C6: variants seen among roughly 807,000 people sequenced by gnomAD.
C6 encodes the protein complement C6, also known as complement component C6.
A neutral mutation model predicts 112.9 loss-of-function variants in C6; 101 were observed. The ratio of observed to expected loss-of-function variants is 0.89; its 90% CI spans 0.76 to 1.06. The LOEUF (loss-of-function observed/expected upper bound fraction) is 1.06. Ranked by LOEUF, C6 falls within the 50% of genes least tolerant of loss-of-function variation. The probability of loss-of-function intolerance (pLI) is 0.00; values close to 1 mark genes in which losing one functional copy is unlikely to be tolerated. For missense variants in C6, 1,202 were observed against 1,104.6 expected, an observed-to-expected ratio of 1.09 and a Z score of -1.25; for synonymous variants, 431 against 384.1, an observed-to-expected ratio of 1.12 and a Z score of -1.43.
upstream of C6, among the ~76,000 whole-genome samples, chr5:41,216,193 G>T (rs965165511): frequency 1.1e-4 from 17 of 151,988 alleles, no homozygotes; most frequent in African/African-American, 3.6e-4. Flanking sequence ...TTGATGTTTT[G>T]CCATCTACTC....
chr5:41,175,865 A>T (rs1386943056), intron 8 of C6, among the ~76,000 whole-genome samples: 1 of 152,236 alleles, frequency 6.6e-6, no homozygotes, highest in Non-Finnish European at 1.5e-5. Flanking sequence ...AACATAAAGC[A>T]TGCAGGCAGT....
At chr5:41,207,046 G>A (rs1037762203) in intron 1 of C6, among the ~76,000 whole-genome samples, 4 of 152,198 alleles carry the variant, frequency 2.6e-5, no homozygotes, top group African/African-American at 9.7e-5. Context: ...AACTCTACAA[G>A]CCAGAAGAGA....
At chr5:41,183,995 G>A (rs1749566505) in intron 6 of C6, among the ~76,000 whole-genome samples, 1 of 151,882 alleles carries the variant, frequency 6.6e-6, no homozygotes, top group East Asian at 1.9e-4. Context: ...AAGGGAGGGA[G>A]GGGCAAGAGT....
chr5:41,192,705 A>G (rs1453679753), intron 5 of C6, among the ~76,000 whole-genome samples: 1 of 152,142 alleles, frequency 6.6e-6, no homozygotes, highest in African/African-American at 2.4e-5. Context: ...GTATTTCTGT[A>G]GTACCAATTG....
At chr5:41,177,925 A>G (rs16870939) in intron 7 of C6, among the ~76,000 whole-genome samples, 3,298 of 152,256 alleles carry the variant, frequency 0.022, 127 homozygotes, top group African/African-American at 0.075. Flanking sequence ...TAGTTTTCAA[A>G]AGTTGGAGAG....
At chr5:41,144,327 G>A (rs1745613321) in intron 17 of C6, among the ~76,000 whole-genome samples, 2 of 152,168 alleles carry the variant, frequency 1.3e-5, no homozygotes, top group South Asian at 4.2e-4. Context: ...GGGTGCAATG[G>A]CACAATCATG....
In C6 at chr5:41,191,108, C is replaced by T. The variant is rs184082112; in HGVS notation, c.587+4684G>A. ...TTTTTGCAGAGTCTCTGTGTGTTGC[C>T]CAGGCTGGAGTGCAGTGGCACGACC... On this transcript the variant is annotated intron_variant, in intron 5 of 17. Transcript: ENST00000337836. Among the ~76,000 whole-genome samples, 25 of 122,880 alleles carry T rather than the reference C, an allele frequency of 2.0e-4. 1 individual carries two copies. In the Admixed American group the frequency reaches 2.1e-3, roughly 10 times the overall value. The allele number at this position is 122,880 out of a possible 152,430, so 80.6% of individuals were successfully genotyped here. A position where few individuals can be genotyped will look rare whatever the true frequency, so the allele number is the denominator to read the frequency against.
Position 41,142,527 on chromosome 5 carries a change from T to G in C6, c.*298A>C. Reference sequence around the variant, plus strand: ...TGCGAGAATGCTTAATGTCACAGGCTACATAAGGGCCTCAGAAGTCACATT... The same window carrying G: ...TGCGAGAATGCTTAATGTCACAGGCGACATAAGGGCCTCAGAAGTCACATT... On this transcript the variant is annotated 3_prime_UTR_variant, in exon 18 of 18. Coordinates refer to ENST00000337836, the MANE Select transcript of C6 (RefSeq NM_000065.5). 2.6e-6 allele frequency: 1 copy of G among 391,802 alleles called. No individual in the cohort carries two copies. Among genetic ancestry groups the G allele is most frequent in the Non-Finnish European group, 4.7e-6 (1 of 210,998 alleles). The allele number at this position is 391,802 out of a possible 1,614,324, so 24.3% of individuals were successfully genotyped here.
intron 8 of C6, 74 bp downstream of exon 8, chr5:41,176,401 A>G: frequency 9.6e-6 from 14 of 1,451,342 alleles, no homozygotes; most frequent in Non-Finnish European, 1.3e-5. Flanking sequence ...GAATAATTAA[A>G]ATGATAGAGT....
At chr5:41,245,295 C>T (rs1009836724) in intron 1 of C6, among the ~76,000 whole-genome samples, 6 of 151,958 alleles carry the variant, frequency 3.9e-5, no homozygotes, top group African/African-American at 1.2e-4. Flanking sequence ...TTTGGGAGGC[C>T]GAGATGGGCA....
At chr5:41,213,943 G>A (rs1752091715), upstream of C6, among the ~76,000 whole-genome samples, 1 of 152,102 alleles carries the variant, frequency 6.6e-6, no homozygotes, top group Non-Finnish European at 1.5e-5. Context: ...ATAGTAAAAA[G>A]TGTTTCTATA....
In C6 at chr5:41,196,009, T is replaced by C. The variant is rs1354553485; in HGVS notation, c.446-76A>G. The C allele has an allele frequency of 3.9e-6, 6 of 1,544,492 alleles. No homozygotes were observed. The Admixed American group carries it at 8.5e-5, about 22-fold the overall frequency. ...AGTATTTATTAATTTGAAACTCAAA[T>C]GCTTTAAATTTCAAGGTAAAGTTGA... On this transcript the variant is annotated intron_variant, in intron 4 of 17. Coordinates refer to ENST00000337836, the MANE Select transcript of C6 (RefSeq NM_000065.5).
intron 14 of C6, 77 bp from the exon 15 acceptor site, chr5:41,154,075 A>C: frequency 1.6e-6 from 2 of 1,268,160 alleles, no homozygotes; most frequent in Non-Finnish European, 2.3e-6. Flanking sequence ...TGTGCAACCA[A>C]AGAGGTGATT....
intron 5 of C6, chr5:41,186,478 G>T (rs1749779311): frequency 2.4e-6 from 1 of 411,388 alleles, no homozygotes; most frequent in Non-Finnish European, 4.4e-6. Context: ...ACAAAATCTG[G>T]ATTTATAATT....
chr5:41,149,715 T>C (rs1300744863), intron 16 of C6, among the ~76,000 whole-genome samples: 1 of 152,154 alleles, frequency 6.6e-6, no homozygotes, highest in Non-Finnish European at 1.5e-5. Flanking sequence ...ACTGTTATAA[T>C]GAACAATCTC....
chr5:41,172,165 T>A, intron 9 of C6, 60 bp downstream of exon 9: 2 of 1,570,558 alleles, frequency 1.3e-6, no homozygotes, highest in Admixed American at 1.7e-5. Flanking sequence ...CAATATGGTC[T>A]GTAAATGACA....
chr5:41,224,614 G>A lies in C6; in HGVS notation c.-20-21364C>T, dbSNP rs574405901. ...TTTTATTGCTGAATAACACTCTGTT[G>A]CATGGGTATACTACATTTTGTTTAT... On this transcript the variant is annotated intron_variant, in intron 1 of 17. Coordinates refer to the C6 transcript ENST00000263413. Among the ~76,000 whole-genome samples the A allele has an allele frequency of 2.3e-4, 35 of 151,864 alleles. 1 individual carries two copies. The highest frequency in any genetic ancestry group is 8.2e-4 in the African/African-American group (34 of 41,420).
chr5:41,223,858 T>C (rs1739324393), intron 1 of C6, among the ~76,000 whole-genome samples: 1 of 152,146 alleles, frequency 6.6e-6, no homozygotes, highest in South Asian at 2.1e-4. Flanking sequence ...CAGCCCAAGA[T>C]CATGTTCTAT....
At chr5:41,223,449 C>A (rs1264979860) in intron 1 of C6, among the ~76,000 whole-genome samples, 1 of 152,212 alleles carries the variant, frequency 6.6e-6, no homozygotes, top group Non-Finnish European at 1.5e-5. Context: ...GCAAAACTCT[C>A]AAGCTGGCTT....
Sources: gnomAD v4.1 joint callset for allele counts (sites outside exome capture counted in the v4.1 genomes callset) on GRCh38, gnomAD v4.1.1 for gene constraint, MANE v1.5 for transcripts, NCBI Gene and HGNC (gene_info 2026-07-23, HGNC 2026-07-21) for gene names.